The following EVA1C variants were observed in gnomAD, a reference collection of about 807,000 sequenced individuals.
EVA1C encodes eva-1 homolog C.
Under a neutral mutation model 45.4 loss-of-function variants are expected in EVA1C, and 25 were observed. That is an observed-to-expected ratio of 0.55 (90% CI 0.40 to 0.77). The LOEUF is 0.77. Ranked by LOEUF, EVA1C falls within the 30% of genes least tolerant of loss-of-function variation. The pLI is 0.00. For missense variants in EVA1C, 479 were observed against 554.8 expected (o/e 0.86, Z 1.37); for synonymous variants, 190 against 221.2 (o/e 0.86, Z 1.25).
At chr21:32,476,669 A>G (rs1179608343) in intron 4 of EVA1C, among the ~76,000 whole-genome samples, 5 of 151,952 alleles carry the variant, frequency 3.3e-5, no homozygotes, top group Non-Finnish European at 7.4e-5. Flanking sequence ...AATAAGTTCA[A>G]GAGGAAGAGG....
chr21:32,412,925 G>A lies in EVA1C; in HGVS notation c.72G>A (p.Gln24=). 1 of 1,529,830 alleles carries A rather than the reference G, an allele frequency of 6.5e-7. No homozygotes were observed. The allele number at this position is 1,529,830 out of a possible 1,614,324, so 94.8% of individuals were successfully genotyped here. Residue 24 remains glutamine, a synonymous_variant, in exon 1 of 8, where the codon CAG becomes CAA. Transcript: ENST00000300255. ...QPVQHPGLRR[Q]VEPPGQLLRL... ...TGCAGCATCCCGGCCTCCGCCGGCA[G>A]GTAGAGCCGCCGGGGCAGCTCCTGC...
At chr21:32,416,206 TTGTGTGTGTG>T (rs113090077) in intron 1 of EVA1C, among the ~76,000 whole-genome samples, 1 of 149,968 alleles carries the variant, frequency 6.7e-6, no homozygotes, top group Non-Finnish European at 1.5e-5. Context: ...ACTTACTGTT[TTGTGTGTGTG>T]TGTGTGTGTG....
intron 1 of EVA1C, among the ~76,000 whole-genome samples, chr21:32,442,053 C>G (rs148754056): frequency 1.3e-5 from 2 of 152,308 alleles, no homozygotes; most frequent in African/African-American, 4.8e-5. Context: ...GAATTTTCCA[C>G]TGGCCCACTG....
chr21:32,412,524 G>C (rs2033857144), upstream of EVA1C: 1 of 243,924 alleles, frequency 4.1e-6, no homozygotes, highest in Non-Finnish European at 7.8e-6. Flanking sequence ...GGATCGGCCT[G>C]GGCAGCCGCG....
chr21:32,412,528 A>C, upstream of EVA1C: 1 of 247,430 alleles, frequency 4.0e-6, no homozygotes, highest in Non-Finnish European at 7.7e-6. Flanking sequence ...CGGCCTGGGC[A>C]GCCGCGGGGC....
intron 1 of EVA1C, among the ~76,000 whole-genome samples, chr21:32,446,956 A>T (rs2010585): frequency 1.3e-5 from 2 of 151,466 alleles, no homozygotes; most frequent in South Asian, 4.2e-4. Flanking sequence ...GCTGGTCCTC[A>T]TTAGGAACTC....
intron 1 of EVA1C, among the ~76,000 whole-genome samples, chr21:32,445,611 T>C (rs2035335615): frequency 6.6e-6 from 1 of 152,166 alleles, no homozygotes; most frequent in Non-Finnish European, 1.5e-5. Context: ...TGAATATTAA[T>C]GGATTTTCCT....
chr21:32,493,191 C>G (rs1440312194), intron 4 of EVA1C, among the ~76,000 whole-genome samples: 2 of 152,124 alleles, frequency 1.3e-5, no homozygotes, highest in Non-Finnish European at 2.9e-5. Flanking sequence ...AAAATTCTCT[C>G]CTCTTCCATT....
chr21:32,427,530 T>A (rs1449157263), intron 1 of EVA1C, among the ~76,000 whole-genome samples: 1 of 151,942 alleles, frequency 6.6e-6, no homozygotes, highest in Non-Finnish European at 1.5e-5. Context: ...CTGGCCAATG[T>A]GGTAAAACCC....
At chr21:32,507,151 C>T (rs1252025770) in intron 7 of EVA1C, among the ~76,000 whole-genome samples, 1 of 152,138 alleles carries the variant, frequency 6.6e-6, no homozygotes, top group Non-Finnish European at 1.5e-5. Flanking sequence ...TCCAAGGGTC[C>T]CTGGTGAAGC....
chr21:32,464,645 A>G (rs1437447130), intron 3 of EVA1C, among the ~76,000 whole-genome samples: 1 of 152,004 alleles, frequency 6.6e-6, no homozygotes, highest in East Asian at 1.9e-4. Flanking sequence ...AATATGGTGA[A>G]ACCCTGTCTC....
At position 32,508,354 on chromosome 21, in the gene EVA1C, G is replaced by A. The variant is rs1005097245; in HGVS notation, c.949+4339G>A. On this transcript the variant is annotated intron_variant, in intron 7 of 7. Transcript: ENST00000300255. ...AGGCCCTGCTGTGGGCTTCTGGGGC[G>A]CAGGGGTAAGGAAGCTGGGCAGAAG... Among the ~76,000 whole-genome samples the A allele has an allele frequency of 5.9e-5, 9 of 152,196 alleles. No homozygotes were observed. In the South Asian group the frequency reaches 6.2e-4, roughly 10 times the overall value.
At chr21:32,490,261 C>T (rs957604951) in intron 4 of EVA1C, among the ~76,000 whole-genome samples, 1 of 152,194 alleles carries the variant, frequency 6.6e-6, no homozygotes, top group African/African-American at 2.4e-5. Flanking sequence ...TGGCACCCAC[C>T]ATTCCACTTT....
intron 1 of EVA1C, among the ~76,000 whole-genome samples, chr21:32,439,329 A>G (rs2035087320): frequency 6.6e-6 from 1 of 152,004 alleles, no homozygotes; most frequent in African/African-American, 2.4e-5. Flanking sequence ...GACAATTAAG[A>G]AAGTGTGGGC....
intron 4 of EVA1C, among the ~76,000 whole-genome samples, chr21:32,487,276 TC>T (rs1334987496): frequency 6.6e-6 from 1 of 152,040 alleles, no homozygotes; most frequent in Non-Finnish European, 1.5e-5. Context: ...ACCCCCTATC[TC>T]CCCAAGCTGG....
chr21:32,513,699 G>A (rs2038042570), intron 7 of EVA1C, among the ~76,000 whole-genome samples: 1 of 151,186 alleles, frequency 6.6e-6, no homozygotes, highest in African/African-American at 2.4e-5. Context: ...ACCATGCCCA[G>A]ATATATTTTG....
At chr21:32,502,816 G>C (rs1317190498) in intron 6 of EVA1C, among the ~76,000 whole-genome samples, 6 of 152,060 alleles carry the variant, frequency 3.9e-5, no homozygotes, top group Non-Finnish European at 5.9e-5. Flanking sequence ...TGTTTGTAAA[G>C]ACAGGGCTTT....
chr21:32,437,307 A>T (rs1294870208), intron 1 of EVA1C, among the ~76,000 whole-genome samples: 1 of 152,084 alleles, frequency 6.6e-6, no homozygotes, highest in Non-Finnish European at 1.5e-5. Flanking sequence ...CCATGAGTTC[A>T]TCTCAATTTC....
At chr21:32,505,661 A>T (rs1029414485) in intron 7 of EVA1C, among the ~76,000 whole-genome samples, 8 of 152,188 alleles carry the variant, frequency 5.3e-5, no homozygotes, top group Admixed American at 3.9e-4. Flanking sequence ...GAATTTCATG[A>T]TCAAAGTATC....
Sources: gnomAD v4.1 joint callset for allele counts (sites outside exome capture counted in the v4.1 genomes callset) on GRCh38, gnomAD v4.1.1 for gene constraint, MANE v1.5 for transcripts, NCBI Gene and HGNC (gene_info 2026-07-23, HGNC 2026-07-21) for gene names.